Variants in GPHN observed in about 807,000 individuals in gnomAD.
GPHN encodes gephyrin.
Under a neutral mutation model 95.5 loss-of-function variants are expected in GPHN, and 17 were observed. The observed-to-expected ratio is 0.18, with a 90% CI of 0.12 to 0.27. GPHN has a LOEUF of 0.27. GPHN is among the 10% of genes least tolerant of loss of function. The probability of loss-of-function intolerance (pLI) is 1.00; values close to 1 mark genes in which losing one functional copy is unlikely to be tolerated. For missense variants in GPHN, 660 were observed against 978.1 expected, an observed-to-expected ratio of 0.67 and a Z score of 4.34; for synonymous variants, 320 against 322.5, an observed-to-expected ratio of 0.99 and a Z score of 0.08.
At chr14:66,670,139 G>C (rs928324944) in intron 1 of GPHN, among the ~76,000 whole-genome samples, 24 of 152,306 alleles carry the variant, frequency 1.6e-4, no homozygotes, top group Non-Finnish European at 3.2e-4. Context: ...GTTGAGGTGG[G>C]AGTCGGGTTT....
the GPHN span, among the ~76,000 whole-genome samples, chr14:67,243,399 GCTGGCCTCGAA>G: frequency 2.0e-5 from 3 of 151,648 alleles, no homozygotes; most frequent in African/African-American, 7.3e-5. Context: ...TGTTGGCCAG[GCTGGCCTCGAA>G]CTCCTGACCT....
chr14:67,620,991 T>A, the GPHN span: 1 of 1,608,212 alleles, frequency 6.2e-7, no homozygotes, highest in Non-Finnish European at 8.5e-7. Context: ...TTTTAGATAT[T>A]AGTGCAGGAC....
chr14:67,683,330 T>G, the GPHN span, among the ~76,000 whole-genome samples: 1 of 152,164 alleles, frequency 6.6e-6, no homozygotes, highest in Non-Finnish European at 1.5e-5. Flanking sequence ...CCAGTCACTC[T>G]TGGAAAATCA....
the GPHN span, chr14:67,586,248 AG>A: frequency 8.9e-7 from 1 of 1,124,094 alleles, no homozygotes; most frequent in Non-Finnish European, 1.3e-6. Context: ...CCAAAGGTTC[AG>A]GTGGTGTTGC....
rs141248609 is a variant in GPHN, at chr14:66,703,602, C to T, written c.143+22417C>T. On this transcript the variant is annotated intron_variant, in intron 2 of 22. Coordinates refer to ENST00000478722, the MANE Select transcript of GPHN (RefSeq NM_020806.5). ...AAGCAAATGCTGAGGGATTTTGTTA[C>T]CACCAGGACTGCCTTGCAAGAGCTC... Among the ~76,000 whole-genome samples, 638 of 152,266 alleles carry T rather than the reference C, an allele frequency of 4.2e-3. 3 individuals carry two copies. The highest frequency in any genetic ancestry group is 0.017 in the Middle Eastern group (5 of 294).
chr14:66,840,016 T>C (rs2062010627), intron 4 of GPHN, among the ~76,000 whole-genome samples: 1 of 152,216 alleles, frequency 6.6e-6, no homozygotes, highest in East Asian at 1.9e-4. Flanking sequence ...TGGTAGCTCA[T>C]GCCTGTAATC....
At chr14:66,950,773 T>A (rs2068055999) in intron 8 of GPHN, among the ~76,000 whole-genome samples, 1 of 152,202 alleles carries the variant, frequency 6.6e-6, no homozygotes, top group African/African-American at 2.4e-5. Flanking sequence ...ATATCCTTTT[T>A]GAACCACCCT....
At chr14:67,265,368 G>A in the GPHN span, among the ~76,000 whole-genome samples, 1 of 152,068 alleles carries the variant, frequency 6.6e-6, no homozygotes, top group Non-Finnish European at 1.5e-5. Flanking sequence ...ACCAGACTGG[G>A]CAACATACTG....
At chr14:67,045,410 GTC>G (rs560657174) in intron 10 of GPHN, among the ~76,000 whole-genome samples, 339 of 150,798 alleles carry the variant, frequency 2.2e-3, no homozygotes, top group African/African-American at 7.7e-3. Flanking sequence ...CTCTCTCTGT[GTC>G]TCTCTCTCTT....
the GPHN span, chr14:67,303,503 C>T: frequency 8.2e-6 from 13 of 1,585,138 alleles, no homozygotes; most frequent in Middle Eastern, 1.7e-4. Flanking sequence ...TAAAAAATAA[C>T]CTGATCTTTC....
At chr14:67,365,169 T>A in the GPHN span, among the ~76,000 whole-genome samples, 1 of 152,230 alleles carries the variant, frequency 6.6e-6, no homozygotes, top group Non-Finnish European at 1.5e-5. Flanking sequence ...CAATTAGCTA[T>A]CTAAGCAAGA....
At chr14:67,356,046 C>T in the GPHN span, among the ~76,000 whole-genome samples, 1 of 152,058 alleles carries the variant, frequency 6.6e-6, no homozygotes, top group Admixed American at 6.6e-5. Flanking sequence ...GTTGTATAAC[C>T]TAGACACAGT....
intron 4 of GPHN, among the ~76,000 whole-genome samples, chr14:66,844,101 G>A (rs1275635136): frequency 6.6e-6 from 1 of 151,980 alleles, no homozygotes; most frequent in Admixed American, 6.6e-5. Context: ...TTGTAGTTTA[G>A]ATTAAAGTAG....
chr14:67,653,421 C>CTT, the GPHN span: 2 of 1,612,478 alleles, frequency 1.2e-6, no homozygotes, highest in Non-Finnish European at 8.5e-7. Flanking sequence ...AATTTCATGA[C>CTT]TTTAATAAAA....
At chr14:67,677,692 T>C in the GPHN span, 2 of 152,196 alleles carry the variant, frequency 1.3e-5, no homozygotes, top group African/African-American at 4.8e-5. Flanking sequence ...ACTGGTTTGC[T>C]CCATCTCTGA....
the GPHN span, among the ~76,000 whole-genome samples, chr14:67,693,538 C>G: frequency 6.6e-6 from 1 of 151,344 alleles, no homozygotes; most frequent in Non-Finnish European, 1.5e-5. Flanking sequence ...CACACCCACA[C>G]GCATGCACAT....
At chr14:67,070,328 T>TA (rs1491076267) in intron 11 of GPHN, among the ~76,000 whole-genome samples, 112 of 76,282 alleles carry the variant, frequency 1.5e-3, no homozygotes, top group African/African-American at 8.7e-3. Context: ...TTTAAATATT[T>TA]TTATATATAT....
At chr14:66,964,399 C>T (rs1375306779) in intron 8 of GPHN, among the ~76,000 whole-genome samples, 1 of 152,134 alleles carries the variant, frequency 6.6e-6, no homozygotes, top group Non-Finnish European at 1.5e-5. Flanking sequence ...AGGATCCTAG[C>T]AGACGTCAGA....
chr14:66,776,683 C>G (rs1356304779), intron 3 of GPHN, among the ~76,000 whole-genome samples, 162 bp downstream of exon 3: 1 of 151,928 alleles, frequency 6.6e-6, no homozygotes, highest in East Asian at 1.9e-4. Flanking sequence ...CAGATAATCA[C>G]CATCAGATTT....
Sources: gnomAD v4.1 joint callset for allele counts (sites outside exome capture counted in the v4.1 genomes callset) on GRCh38, gnomAD v4.1.1 for gene constraint, MANE v1.5 for transcripts, NCBI Gene and HGNC (gene_info 2026-07-23, HGNC 2026-07-21) for gene names.